The following ZNF439 variants were observed in gnomAD, a reference collection of about 807,000 sequenced individuals.
ZNF439 encodes the protein zinc finger protein 439.
In ZNF439, 40 loss-of-function variants were observed where a neutral mutation model predicts 47.3. That is an observed-to-expected ratio of 0.85 (90% CI 0.66 to 1.10). The LOEUF (loss-of-function observed/expected upper bound fraction) is 1.10. ZNF439 is among the 50% of genes least tolerant of loss of function. The pLI is 0.00. For synonymous variants in ZNF439, 171 were observed against 198.8 expected (o/e 0.86, Z 1.18); for missense variants, 556 against 601.1 (o/e 0.93, Z 0.78).
intron 1 of ZNF439, among the ~76,000 whole-genome samples, chr19:11,859,849 G>T (rs1976493227): frequency 6.6e-6 from 1 of 152,126 alleles, no homozygotes; most frequent in Non-Finnish European, 1.5e-5. Context: ...ATTATTTTCA[G>T]TTGGTACTGT....
At chr19:11,853,663 C>T (rs1358822200) in intron 1 of ZNF439, among the ~76,000 whole-genome samples, 1 of 152,178 alleles carries the variant, frequency 6.6e-6, no homozygotes. Context: ...ATATAGCCTT[C>T]AGTGGAAAGC....
At chr19:11,849,204 C>G (rs1976161144) in intron 1 of ZNF439, 1 of 1,064,244 alleles carries the variant, frequency 9.4e-7, no homozygotes, top group African/African-American at 1.7e-5. Flanking sequence ...GCGGGGGCCA[C>G]GGGAGGGTCA....
At chr19:11,862,744 TG>T (rs1976571793) in intron 1 of ZNF439, among the ~76,000 whole-genome samples, 1 of 151,262 alleles carries the variant, frequency 6.6e-6, no homozygotes, top group South Asian at 2.1e-4. Flanking sequence ...TGTTTTCTGT[TG>T]TTTTTTTTTT....
At chr19:11,866,430 T>C in intron 2 of ZNF439, 99 bp downstream of exon 2, 2 of 1,603,866 alleles carry the variant, frequency 1.2e-6, no homozygotes, top group South Asian at 1.1e-5. Flanking sequence ...AGGAAATACT[T>C]TGATGAATAA....
intron 1 of ZNF439, among the ~76,000 whole-genome samples, chr19:11,865,393 G>A (rs1287251667): frequency 6.7e-6 from 1 of 149,934 alleles, no homozygotes; most frequent in Non-Finnish European, 1.5e-5. Context: ...CATCATAATG[G>A]ATGTTTCTTT....
intron 1 of ZNF439, chr19:11,850,077 T>C (rs1026913104): frequency 7.2e-5 from 11 of 152,198 alleles, no homozygotes; most frequent in South Asian, 2.1e-4. Flanking sequence ...ACTTTGTTTG[T>C]TTTTGTTTTT....
chr19:11,850,622 C>T (rs1390636044), intron 1 of ZNF439: 1 of 152,106 alleles, frequency 6.6e-6, no homozygotes, highest in African/African-American at 2.4e-5. Flanking sequence ...AAGTTATGTT[C>T]TTGCTTATAT....
chr19:11,857,857 T>C (rs1976429001), intron 1 of ZNF439: 1 of 152,178 alleles, frequency 6.6e-6, no homozygotes, highest in Non-Finnish European at 1.5e-5. Context: ...TTGCTTGTAC[T>C]TTCTCTGGAC....
intron 1 of ZNF439, among the ~76,000 whole-genome samples, chr19:11,863,217 A>T (rs1976587565): frequency 7.6e-6 from 1 of 131,182 alleles, no homozygotes; most frequent in Non-Finnish European, 1.5e-5. Flanking sequence ...GTGCCGTGGC[A>T]CAGTCTCGGC....
intron 1 of ZNF439, among the ~76,000 whole-genome samples, chr19:11,858,881 G>A (rs1471648307): frequency 6.6e-6 from 1 of 152,158 alleles, no homozygotes; most frequent in East Asian, 1.9e-4. Flanking sequence ...TAGGATCAGG[G>A]TTTCCCTGTA....
rs1383326730 is a variant in ZNF439, at chr19:11,867,942, T to C, written c.888T>C (p.Ser296=). ...SPRSCHRHER[S]HMGEKAYQCK... The stretch of plus-strand genomic sequence containing the variant: ...GATCCTGTCACAGACATGAAAGGAG[T>C]CACATGGGAGAGAAGGCTTATCAAT... Residue 296 remains serine (S), a synonymous_variant, in exon 4 of 4, where the codon AGT becomes AGC. Coordinates refer to ENST00000682736, the MANE Select transcript of ZNF439 (RefSeq NM_001348719.2). The C allele has an allele frequency of 6.2e-7, 1 of 1,613,430 alleles. No individual in the cohort carries two copies. The highest frequency in any genetic ancestry group is 8.5e-7 in the Non-Finnish European group (1 of 1,179,878).
chr19:11,852,131 A>G (rs1273528192), intron 1 of ZNF439, among the ~76,000 whole-genome samples: 1 of 152,200 alleles, frequency 6.6e-6, no homozygotes, highest in Non-Finnish European at 1.5e-5. Context: ...TACAGAGATC[A>G]GTAGTGAAGA....
In ZNF439 at chr19:11,867,503, A is replaced by AC. The variant is rs1376128795; in HGVS notation, c.450dup (p.Lys151GlnfsTer4). ...ATGAACATCAGAGGTGACACTGGACACAAGGCATGTGAATGTCAGGAATAT... is the reference window on the plus strand; with the variant it reads ...ATGAACATCAGAGGTGACACTGGACACCAAGGCATGTGAATGTCAGGAATAT... On this transcript the variant is annotated frameshift_variant, in exon 4 of 4. Transcript: ENST00000682736. LOFTEE classifies it high-confidence loss of function. The AC allele has an allele frequency of 6.2e-7, 1 of 1,614,058 alleles. No homozygotes were observed. Among genetic ancestry groups the AC allele is most frequent in the Non-Finnish European group, 8.5e-7 (1 of 1,180,030 alleles).
intron 1 of ZNF439, among the ~76,000 whole-genome samples, chr19:11,860,544 T>C (rs1976510945): frequency 6.6e-6 from 1 of 152,148 alleles, no homozygotes; most frequent in African/African-American, 2.4e-5. Flanking sequence ...CTCAAGTCCC[T>C]GTTCACGGCC....
intron 1 of ZNF439, among the ~76,000 whole-genome samples, chr19:11,862,745 G>T (rs1568258308): frequency 6.8e-6 from 1 of 146,866 alleles, no homozygotes; most frequent in East Asian, 2.0e-4. Context: ...GTTTTCTGTT[G>T]TTTTTTTTTT....
At chr19:11,865,701 A>T (rs1976653715) in intron 1 of ZNF439, among the ~76,000 whole-genome samples, 1 of 127,792 alleles carries the variant, frequency 7.8e-6, no homozygotes, top group Non-Finnish European at 1.6e-5. Context: ...TGACAGAGCG[A>T]TACACTATCA....
chr19:11,853,564 G>A (rs1422186647), intron 1 of ZNF439, among the ~76,000 whole-genome samples: 1 of 152,172 alleles, frequency 6.6e-6, no homozygotes, highest in Non-Finnish European at 1.5e-5. Flanking sequence ...GCACCAGGGA[G>A]TGATTGTCCT....
chr19:11,868,366 A>G lies in ZNF439; in HGVS notation c.1312A>G (p.Thr438Ala), dbSNP rs1183779414. Reference sequence around the variant, plus strand: ...TCTTCAATTGCATGGTAGGACTCACACTGGAGAGAAACCGTATCAATGTAA... The same window carrying G: ...TCTTCAATTGCATGGTAGGACTCACGCTGGAGAGAAACCGTATCAATGTAA... Reference protein sequence around the residue: ...PNLQLHGRTHTGEKPYQCKEC... With the variant: ...PNLQLHGRTHAGEKPYQCKEC... The change falls in exon 4 of 4, where the codon ACT becomes GCT. Residue 438 changes from threonine to alanine, a missense_variant. Transcript: ENST00000682736. 5 of 1,606,060 alleles carry G rather than the reference A, an allele frequency of 3.1e-6. No individual in the cohort carries two copies. The highest frequency in any genetic ancestry group is 1.7e-4 in the Middle Eastern group (1 of 6,048).
rs369417519 is a variant in ZNF439, at chr19:11,867,387, G to A, written c.333G>A (p.Arg111=). ...GETFTPVPDD[R]LNFQKKKASP... is the part of the protein sequence containing the mutation. Reference sequence around the variant, plus strand: ...CTTTTACCCCAGTTCCAGATGACAGGCTGAACTTCCAGAAGAAGAAAGCTT... The same window carrying A: ...CTTTTACCCCAGTTCCAGATGACAGACTGAACTTCCAGAAGAAGAAAGCTT... The change falls in exon 4 of 4, where the codon AGG becomes AGA. Residue 111 remains arginine, a synonymous_variant. Transcript: ENST00000682736. 9.4e-5 allele frequency: 152 copies of A among 1,613,836 alleles called. No individual in the cohort carries two copies. Among genetic ancestry groups the A allele is most frequent in the Non-Finnish European group, 1.3e-4 (149 of 1,179,870 alleles).
Sources: allele counts gnomAD v4.1 joint callset (sites outside exome capture counted in the v4.1 genomes callset), GRCh38; gene constraint gnomAD v4.1.1; transcripts MANE v1.5; gene names NCBI Gene and HGNC (gene_info 2026-07-23, HGNC 2026-07-21).